CECR2: variants seen among roughly 807,000 people sequenced by gnomAD.
The protein encoded by CECR2 is CECR2 histone acetyl-lysine reader, also known as chromatin remodeling regulator CECR2.
A neutral mutation model predicts 154.5 loss-of-function variants in CECR2; 30 were observed. The ratio of observed to expected loss-of-function variants is 0.19; its 90% confidence interval spans 0.15 to 0.26. The LOEUF is 0.26. CECR2 is among the 10% of genes least tolerant of loss of function. The probability of loss-of-function intolerance (pLI) is 1.00; values close to 1 mark genes in which losing one functional copy is unlikely to be tolerated. For synonymous variants in CECR2, 725 were observed against 683.7 expected, an observed-to-expected ratio of 1.06 and a Z score of -0.94; for missense variants, 1,743 against 1,829.3, an observed-to-expected ratio of 0.95 and a Z score of 0.86.
intron 1 of CECR2, among the ~76,000 whole-genome samples, chr22:17,375,280 ATT>A (rs1027519622): frequency 2.6e-5 from 4 of 151,264 alleles, no homozygotes; most frequent in African/African-American, 9.7e-5. Context: ...TGCCTGGCTA[ATT>A]TTTGTGTTTT....
chr22:17,434,025 AG>A, intron 1 of CECR2, among the ~76,000 whole-genome samples: 1 of 152,332 alleles, frequency 6.6e-6, no homozygotes, highest in South Asian at 2.1e-4. Context: ...AATATAACTA[AG>A]GTCACTAGAG....
chr22:17,523,629 G>A (rs1474378321), intron 8 of CECR2, among the ~76,000 whole-genome samples: 1 of 151,298 alleles, frequency 6.6e-6, no homozygotes, highest in Non-Finnish European at 1.5e-5. Context: ...GGTGGCAGGC[G>A]CCTGTAGTTC....
chr22:17,524,971 T>C, intron 9 of CECR2: 1 of 230,706 alleles, frequency 4.3e-6, no homozygotes, highest in Non-Finnish European at 9.2e-6. Context: ...CTGCCCACAT[T>C]AAGGATTTTA....
intron 9 of CECR2, among the ~76,000 whole-genome samples, chr22:17,535,278 A>G: frequency 6.6e-6 from 1 of 152,008 alleles, no homozygotes; most frequent in African/African-American, 2.4e-5. Context: ...AGATCGCACC[A>G]CTACACTTTA....
intron 1 of CECR2, among the ~76,000 whole-genome samples, chr22:17,385,705 T>C (rs2063250410): frequency 6.6e-6 from 1 of 152,022 alleles, no homozygotes; most frequent in Non-Finnish European, 1.5e-5. Context: ...GTTGGAAAAA[T>C]GGCCCTGATA....
At chr22:17,525,696 T>C (rs894007271) in intron 9 of CECR2, among the ~76,000 whole-genome samples, 1 of 152,248 alleles carries the variant, frequency 6.6e-6, no homozygotes, top group Non-Finnish European at 1.5e-5. Flanking sequence ...TCTTCCATAA[T>C]TGGCTATGTC....
intron 1 of CECR2, among the ~76,000 whole-genome samples, chr22:17,470,857 A>G (rs765131940): frequency 6.6e-6 from 1 of 151,974 alleles, no homozygotes; most frequent in Non-Finnish European, 1.5e-5. Context: ...ATCCAAATTA[A>G]CCTTCCAAGT....
At chr22:17,440,940 ACT>A (rs1229110331) in intron 1 of CECR2, among the ~76,000 whole-genome samples, 1 of 117,316 alleles carries the variant, frequency 8.5e-6, no homozygotes, top group Non-Finnish European at 1.7e-5. Flanking sequence ...TCTTATTAAC[ACT>A]GTTTTTGGGG....
At position 17,533,088 on chromosome 22, in the gene CECR2, C is replaced by T. The variant is rs183169171; in HGVS notation, c.1109-4015C>T. On this transcript the variant is annotated intron_variant, in intron 9 of 18. Transcript: ENST00000262608. The stretch of plus-strand genomic sequence containing the variant: ...ATCCCAGCACTTTGGGAGGCCGAGG[C>T]GGGCAGATCACGAGGTCAGAAGATC... Among the ~76,000 whole-genome samples the T allele has an allele frequency of 3.9e-3, 590 of 150,302 alleles. 4 individuals carry two copies. The highest frequency in any genetic ancestry group is 0.011 in the Middle Eastern group (3 of 268).
chr22:17,490,883 CCT>C (rs1416959342), intron 2 of CECR2, among the ~76,000 whole-genome samples: 1 of 89,076 alleles, frequency 1.1e-5, no homozygotes, highest in Non-Finnish European at 2.6e-5. Flanking sequence ...GCAATCATTC[CCT>C]GTTTCCTCCC....
chr22:17,455,845 A>G (rs2054846069), intron 1 of CECR2, among the ~76,000 whole-genome samples: 1 of 152,160 alleles, frequency 6.6e-6, no homozygotes, highest in Non-Finnish European at 1.5e-5. Context: ...TTCTGACCTC[A>G]GGTGATCCGC....
intron 1 of CECR2, among the ~76,000 whole-genome samples, chr22:17,403,626 G>GT (rs1177159683): frequency 6.6e-6 from 1 of 151,972 alleles, no homozygotes; most frequent in African/African-American, 2.4e-5. Flanking sequence ...TTTTAATGTG[G>GT]TTTTGATCTG....
intron 14 of CECR2, among the ~76,000 whole-genome samples, chr22:17,541,608 T>A (rs142677440): frequency 1.6e-4 from 24 of 152,248 alleles, no homozygotes; most frequent in African/African-American, 5.8e-4. Flanking sequence ...AAAAAAGAGA[T>A]TGAGAAACAC....
chr22:17,410,703 A>G (rs946313629), intron 1 of CECR2, among the ~76,000 whole-genome samples: 2 of 152,144 alleles, frequency 1.3e-5, no homozygotes, highest in Non-Finnish European at 2.9e-5. Context: ...CAGCCTCCCA[A>G]ACTGCTGGGT....
intron 1 of CECR2, among the ~76,000 whole-genome samples, chr22:17,399,954 A>G (rs2053867518): frequency 6.6e-6 from 1 of 152,146 alleles, no homozygotes; most frequent in African/African-American, 2.4e-5. Flanking sequence ...TGCTCACATG[A>G]TATGGTTTTT....
intron 2 of CECR2, among the ~76,000 whole-genome samples, chr22:17,488,173 G>T (rs148449898): frequency 1.3e-5 from 2 of 152,092 alleles, no homozygotes; most frequent in African/African-American, 4.8e-5. Flanking sequence ...GTGAGCCACC[G>T]CACCCGGCCT....
chr22:17,505,165 A>T (rs2055815947), intron 7 of CECR2, 149 bp downstream of exon 7: 1 of 730,258 alleles, frequency 1.4e-6, no homozygotes, highest in East Asian at 2.8e-5. Flanking sequence ...TTAGAATGGG[A>T]CCTCATGCCA....
chr22:17,515,724 G>A (rs1317343254), intron 8 of CECR2, among the ~76,000 whole-genome samples: 2 of 149,786 alleles, frequency 1.3e-5, no homozygotes, highest in Non-Finnish European at 3.0e-5. Context: ...CACCCAGGCT[G>A]GAGTGCAGTG....
intron 1 of CECR2, among the ~76,000 whole-genome samples, chr22:17,425,513 G>C (rs1022449145): frequency 1.3e-5 from 2 of 152,272 alleles, no homozygotes; most frequent in Non-Finnish European, 2.9e-5. Flanking sequence ...GCTCTGATAG[G>C]AATAGGACTA....
Sources: allele counts gnomAD v4.1 joint callset (sites outside exome capture counted in the v4.1 genomes callset), GRCh38; gene constraint gnomAD v4.1.1; transcripts MANE v1.5; gene names NCBI Gene and HGNC (gene_info 2026-07-23, HGNC 2026-07-21).